The following SAMD12 variants were observed in gnomAD, a reference collection of about 807,000 sequenced individuals.
SAMD12 encodes sterile alpha motif domain containing 12.
Under a neutral mutation model 15.0 loss-of-function variants are expected in SAMD12, and 9 were observed. That is an observed-to-expected ratio of 0.60 (90% confidence interval 0.36 to 1.05). The LOEUF (loss-of-function observed/expected upper bound fraction) is 1.05. SAMD12 is among the 50% of genes least tolerant of loss of function. The pLI, the probability that SAMD12 is intolerant of heterozygous loss-of-function variation, is 0.01. For synonymous variants in SAMD12, 86 were observed against 90.1 expected (o/e 0.96, Z 0.25); for missense variants, 230 against 234.2 (o/e 0.98, Z 0.12).
chr8:118,149,932 T>C, the SAMD12 span, among the ~76,000 whole-genome samples: 1 of 152,220 alleles, frequency 6.6e-6, no homozygotes. Context: ...TACTGATCTA[T>C]TTGTTCATCT....
chr8:118,562,657 G>T (rs1289004964), intron 2 of SAMD12, among the ~76,000 whole-genome samples: 1 of 152,200 alleles, frequency 6.6e-6, no homozygotes, highest in Non-Finnish European at 1.5e-5. Flanking sequence ...AGTTCCAGCA[G>T]TGTAGCCACA....
intron 3 of SAMD12, among the ~76,000 whole-genome samples, chr8:118,418,813 T>C (rs1045756669): frequency 1.4e-4 from 22 of 152,268 alleles, no homozygotes; most frequent in African/African-American, 4.8e-4. Flanking sequence ...TTTGCCACTA[T>C]AGCATCCAAT....
the SAMD12 span, among the ~76,000 whole-genome samples, chr8:118,139,891 A>G: frequency 6.6e-6 from 1 of 152,276 alleles, no homozygotes; most frequent in Admixed American, 6.5e-5. Context: ...GGTGATAAGC[A>G]CATTTTCCAG....
intron 2 of SAMD12, among the ~76,000 whole-genome samples, chr8:118,500,323 C>T (rs1330442477): frequency 1.3e-5 from 2 of 151,486 alleles, no homozygotes; most frequent in Non-Finnish European, 2.9e-5. Flanking sequence ...GGTAATCCAC[C>T]CGCCTTGGCC....
chr8:118,179,198 G>A, the SAMD12 span, among the ~76,000 whole-genome samples: 4 of 152,126 alleles, frequency 2.6e-5, no homozygotes, highest in Admixed American at 6.5e-5. Context: ...TCCCAGTAGG[G>A]AGGCTGAGGC....
intron 1 of SAMD12, among the ~76,000 whole-genome samples, chr8:118,606,396 G>A (rs924497513): frequency 1.3e-5 from 2 of 152,070 alleles, no homozygotes; most frequent in Non-Finnish European, 2.9e-5. Context: ...TTTGTGAAAG[G>A]GGAAGAAGAG....
rs528665749 is a variant in SAMD12 at position 118,580,756 on chromosome 8, C to T, written c.151G>A (p.Gly51Arg). 1 of 1,613,298 alleles carries T rather than the reference C, an allele frequency of 6.2e-7. No individual in the cohort carries two copies. The highest frequency in any genetic ancestry group is 1.3e-5 in the African/African-American group (1 of 74,976). ...KNFQKVPDQK[G>R]TPKRLQAEAE... is the part of the protein sequence containing the mutation. ...TCTGCCTGCAGTCGCTTGGGAGTTC[C>T]TTTCTGGTCAGGCACCTTCTGGAAA... The change falls in exon 2 of 4, where the codon GGA becomes AGA. Residue 51 changes from glycine (G) to arginine (R), a missense_variant. Gly to Arg is a moderately radical substitution (Grantham distance 125). Transcript: ENST00000314727.
chr8:118,313,433 G>A (rs1288560807), intron 4 of SAMD12, among the ~76,000 whole-genome samples: 2 of 152,154 alleles, frequency 1.3e-5, no homozygotes, highest in Admixed American at 6.5e-5. Flanking sequence ...CCTCCAGGAT[G>A]TGAATGTGAG....
chr8:118,246,920 G>A (rs1423341281), intron 4 of SAMD12, among the ~76,000 whole-genome samples: 1 of 152,120 alleles, frequency 6.6e-6, no homozygotes, highest in Non-Finnish European at 1.5e-5. Flanking sequence ...ATAGTAACGT[G>A]CAATGCTTTG....
chr8:118,610,070 T>C (rs1256056468), intron 1 of SAMD12, among the ~76,000 whole-genome samples: 2 of 152,216 alleles, frequency 1.3e-5, no homozygotes, highest in Admixed American at 6.5e-5. Flanking sequence ...GCACAATGAA[T>C]ACTTACTGTT....
chr8:118,263,077 C>T (rs1391915688), intron 4 of SAMD12, among the ~76,000 whole-genome samples: 1 of 152,020 alleles, frequency 6.6e-6, no homozygotes, highest in Non-Finnish European at 1.5e-5. Flanking sequence ...ACCATCAGTG[C>T]CTGCCACCCT....
intron 4 of SAMD12, chr8:118,282,475 A>G (rs1813697243): frequency 2.6e-6 from 1 of 381,320 alleles, no homozygotes; most frequent in Non-Finnish European, 5.1e-6. Context: ...CCTGTAATTT[A>G]TTTCTCTTGC....
At chr8:118,179,957 C>T in the SAMD12 span, among the ~76,000 whole-genome samples, 14 of 152,318 alleles carry the variant, frequency 9.2e-5, no homozygotes, top group African/African-American at 2.4e-4. Flanking sequence ...CAATTTAAAT[C>T]GTGTGAAGGA....
At chr8:118,460,579 A>T (rs1387572283) in intron 2 of SAMD12, among the ~76,000 whole-genome samples, 1 of 152,218 alleles carries the variant, frequency 6.6e-6, no homozygotes, top group Non-Finnish European at 1.5e-5. Flanking sequence ...ATAGACAAAC[A>T]GGGTATCTCT....
intron 2 of SAMD12, among the ~76,000 whole-genome samples, chr8:118,454,898 T>A (rs1419859517): frequency 2.6e-5 from 4 of 152,234 alleles, no homozygotes. Flanking sequence ...TCTGTCTTTT[T>A]GTGACTGGCT....
chr8:118,620,307 C>T (rs956000309), intron 1 of SAMD12, among the ~76,000 whole-genome samples: 2 of 140,082 alleles, frequency 1.4e-5, no homozygotes, highest in African/African-American at 5.4e-5. Context: ...AGTAGGTCAA[C>T]ATATCCTTGG....
At chr8:118,531,380 T>A (rs1825680979) in intron 2 of SAMD12, among the ~76,000 whole-genome samples, 1 of 152,222 alleles carries the variant, frequency 6.6e-6, no homozygotes, top group Admixed American at 6.5e-5. Flanking sequence ...CCAGCTTTGT[T>A]CTTTTTGCTT....
At chr8:118,607,424 C>T (rs1453737622) in intron 1 of SAMD12, among the ~76,000 whole-genome samples, 9 of 152,070 alleles carry the variant, frequency 5.9e-5, no homozygotes, top group South Asian at 2.1e-4. Context: ...TTAGTAGAGA[C>T]GGGGTTTCTC....
At chr8:118,433,583 T>G (rs1822486518) in intron 3 of SAMD12, among the ~76,000 whole-genome samples, 1 of 152,158 alleles carries the variant, frequency 6.6e-6, no homozygotes. Context: ...GTTTATAATT[T>G]AGAAAGCTAG....
Sources: gnomAD v4.1 joint callset for allele counts (sites outside exome capture counted in the v4.1 genomes callset) on GRCh38, gnomAD v4.1.1 for gene constraint, MANE v1.5 for transcripts, NCBI Gene and HGNC (gene_info 2026-07-23, HGNC 2026-07-21) for gene names.